The following CELF2 variants were observed in gnomAD, a reference collection of about 807,000 sequenced individuals.
CELF2 encodes the protein CUG triplet repeat RNA-binding protein 2.
Under a neutral mutation model 62.6 loss-of-function variants are expected in CELF2, and 8 were observed. The ratio of observed to expected loss-of-function variants is 0.13; its 90% CI spans 0.07 to 0.23. CELF2 has a LOEUF of 0.23. Among genes scored for constraint, CELF2 ranks in the 10% least tolerant of loss-of-function variants. The probability of loss-of-function intolerance (pLI) is 1.00; values close to 1 mark genes in which losing one functional copy is unlikely to be tolerated. For missense variants in CELF2, 333 were observed against 671.0 expected, an observed-to-expected ratio of 0.50 and a Z score of 5.56; for synonymous variants, 258 against 250.0, an observed-to-expected ratio of 1.03 and a Z score of -0.30.
intron 1 of CELF2, among the ~76,000 whole-genome samples, chr10:11,059,844 T>G (rs975938820): frequency 3.9e-5 from 6 of 152,230 alleles, no homozygotes; most frequent in Non-Finnish European, 7.3e-5. Context: ...ATAGTGCACC[T>G]GAAGGAGGGA....
At chr10:10,475,649 T>A in the CELF2 span, among the ~76,000 whole-genome samples, 1 of 152,026 alleles carries the variant, frequency 6.6e-6, no homozygotes, top group Non-Finnish European at 1.5e-5. Flanking sequence ...AATTAAAATA[T>A]TTTCCCCCAA....
At chr10:11,195,333 G>A (rs968139278) in intron 2 of CELF2, among the ~76,000 whole-genome samples, 1 of 152,250 alleles carries the variant, frequency 6.6e-6, no homozygotes, top group African/African-American at 2.4e-5. Flanking sequence ...TTAGTGTGCA[G>A]TGGGTTGTTC....
chr10:10,492,529 A>G, the CELF2 span, among the ~76,000 whole-genome samples: 1 of 152,336 alleles, frequency 6.6e-6, no homozygotes, highest in African/African-American at 2.4e-5. Flanking sequence ...AAAAAAATAA[A>G]CCATGGAACT....
chr10:11,208,493 AG>A (rs1565309087), intron 2 of CELF2, among the ~76,000 whole-genome samples: 1 of 152,214 alleles, frequency 6.6e-6, no homozygotes, highest in Non-Finnish European at 1.5e-5. Context: ...TAACGCTAAC[AG>A]ACTGAGCAGG....
chr10:10,729,363 A>T, the CELF2 span, among the ~76,000 whole-genome samples: 1 of 152,214 alleles, frequency 6.6e-6, no homozygotes, highest in South Asian at 2.1e-4. Context: ...TATTGGAAAG[A>T]GTATAGCAGA....
intron 2 of CELF2, among the ~76,000 whole-genome samples, chr10:10,966,002 T>C (rs2050084265): frequency 1.3e-5 from 2 of 152,208 alleles, no homozygotes; most frequent in South Asian, 4.1e-4. Flanking sequence ...AAAATATTTC[T>C]AATATTGCCA....
At chr10:10,532,532 G>A in the CELF2 span, among the ~76,000 whole-genome samples, 5 of 152,182 alleles carry the variant, frequency 3.3e-5, no homozygotes, top group Non-Finnish European at 7.3e-5. Context: ...AAAGTGTATT[G>A]TGATAAAGTT....
At chr10:10,701,374 G>A in the CELF2 span, among the ~76,000 whole-genome samples, 2 of 152,208 alleles carry the variant, frequency 1.3e-5, no homozygotes, top group South Asian at 2.1e-4. Context: ...GTTAAAAATA[G>A]ATATGCAGGT....
At chr10:10,963,078 T>A (rs201080) in intron 2 of CELF2, among the ~76,000 whole-genome samples, 12,331 of 152,014 alleles carry the variant, frequency 0.081, 1,701 homozygotes, top group African/African-American at 0.28. Flanking sequence ...TCTTGCTCTG[T>A]TGCCCAGGCT....
At chr10:10,987,568 G>A (rs1037577488) in intron 2 of CELF2, among the ~76,000 whole-genome samples, 73 of 152,238 alleles carry the variant, frequency 4.8e-4, no homozygotes, top group African/African-American at 1.5e-3. Flanking sequence ...GGCCCTTGAT[G>A]TAGTTCAGAG....
the CELF2 span, chr10:10,784,760 A>G: frequency 2.0e-5 from 3 of 152,140 alleles, no homozygotes; most frequent in African/African-American, 7.2e-5. Context: ...AAACAGGAAT[A>G]CCTGTTCCCA....
chr10:10,868,338 A>G (rs1166512796), intron 1 of CELF2, among the ~76,000 whole-genome samples: 1 of 152,216 alleles, frequency 6.6e-6, no homozygotes, highest in Admixed American at 6.5e-5. Context: ...CTGGGAGCTC[A>G]GCTGCTTGTG....
At chr10:11,219,947 A>C (rs918007359) in intron 3 of CELF2, among the ~76,000 whole-genome samples, 6 of 152,230 alleles carry the variant, frequency 3.9e-5, no homozygotes, top group African/African-American at 1.4e-4. Context: ...TCTCTCATTA[A>C]ATACCAAGTG....
rs1268518047 is a variant in CELF2, at chr10:11,197,008, G to GAA, written c.272-20415_272-20414dup. Among the ~76,000 whole-genome samples the GAA allele has an allele frequency of 1.8e-3, 21 of 11,638 alleles. 5 individuals are homozygous for GAA. Among genetic ancestry groups the GAA allele is most frequent in the Middle Eastern group, 0.029 (1 of 34 alleles). 7.6% of individuals were successfully genotyped at this position (11,638 alleles called of 152,430 possible). Reference sequence around the variant, plus strand: ...AAGAAAGAAAGGAAGGAAGGAGAAAGAAAGAAAGAAAGAAAGAAAAGAAAG... The same window carrying GAA: ...AAGAAAGAAAGGAAGGAAGGAGAAAGAAAAAGAAAGAAAGAAAGAAAAGAAAG... On this transcript the variant is annotated intron_variant, in intron 2 of 12. Transcript: ENST00000633077.
chr10:11,057,531 G>C (rs1292673174), intron 1 of CELF2, among the ~76,000 whole-genome samples: 2 of 152,194 alleles, frequency 1.3e-5, no homozygotes, highest in Non-Finnish European at 2.9e-5. Flanking sequence ...CCTCAGCCAC[G>C]GCCTTGTGGG....
chr10:10,642,455 CT>C, the CELF2 span, among the ~76,000 whole-genome samples: 1 of 152,124 alleles, frequency 6.6e-6, no homozygotes, highest in African/African-American at 2.4e-5. Context: ...AGGAGGTTGT[CT>C]TTTTAGCAAG....
At chr10:11,317,171 ATTGT>A (rs1398192186) in intron 10 of CELF2, 1 of 125,712 alleles carries the variant, frequency 8.0e-6, no homozygotes, top group African/African-American at 3.0e-5. Context: ...TAAAATTATG[ATTGT>A]TTAAAAAAAA....
chr10:10,467,819 A>G, the CELF2 span, among the ~76,000 whole-genome samples: 1 of 152,012 alleles, frequency 6.6e-6, no homozygotes, highest in Admixed American at 6.6e-5. Context: ...TAAATATTCA[A>G]GGGGACTTCA....
intron 1 of CELF2, among the ~76,000 whole-genome samples, chr10:11,146,103 A>T (rs141067679): frequency 1.3e-5 from 2 of 152,200 alleles, no homozygotes; most frequent in Non-Finnish European, 2.9e-5. Flanking sequence ...AGGATTGCAT[A>T]GCAAGAAAGC....
Sources: allele counts gnomAD v4.1 joint callset (sites outside exome capture counted in the v4.1 genomes callset), GRCh38; gene constraint gnomAD v4.1.1; transcripts MANE v1.5; gene names NCBI Gene and HGNC (gene_info 2026-07-23, HGNC 2026-07-21).